The following ARGFX variants were observed in gnomAD, a reference collection of about 807,000 sequenced individuals.
ARGFX encodes arginine-fifty homeobox.
In ARGFX, 10 loss-of-function variants were observed where a neutral mutation model predicts 8.0. That is an observed-to-expected ratio of 1.25 (90% CI 0.77 to 2.12). The LOEUF (loss-of-function observed/expected upper bound fraction) is 2.12. ARGFX is among the 30% of genes most tolerant of loss of function. ARGFX has a pLI of 0.00. For synonymous variants in ARGFX, 116 were observed against 117.8 expected (o/e 0.98, Z 0.10); for missense variants, 282 against 324.3 (o/e 0.87, Z 1.00).
intron 3 of ARGFX, among the ~76,000 whole-genome samples, chr3:121,583,047 T>G (rs1190329626): frequency 7.6e-6 from 1 of 131,846 alleles, no homozygotes; most frequent in African/African-American, 3.0e-5. Context: ...TTTTTTTTTT[T>G]GAGACAGAAT....
intron 2 of ARGFX, among the ~76,000 whole-genome samples, chr3:121,573,307 C>T (rs948000450): frequency 1.6e-4 from 24 of 151,800 alleles, no homozygotes; most frequent in African/African-American, 5.3e-4. Context: ...ATGGTGAAAC[C>T]CTGTCTCTAC....
rs754120569 is a variant in ARGFX at position 121,570,786 on chromosome 3, G to C, written c.73G>C (p.Val25Leu). The C allele has an allele frequency of 1.2e-6, 2 of 1,607,184 alleles. No individual in the cohort carries two copies. Among genetic ancestry groups the C allele is most frequent in the Non-Finnish European group, 1.7e-6 (2 of 1,177,170 alleles). The change falls in exon 2 of 5, where the codon GTG becomes CTG. Residue 25 changes from valine to leucine, a missense_variant. Val to Leu is a conservative substitution (Grantham distance 32, BLOSUM62 1). Coordinates refer to ENST00000334384, the MANE Select transcript of ARGFX (RefSeq NM_001012659.2). The stretch of plus-strand genomic sequence containing the variant: ...CAATAGGAATTATTCCAACATGAAG[G>C]TGATACCACCACAGGATCCAGCTAG... ...FINRNYSNMK[V>L]IPPQDPASPS...
rs891592931 is a variant in ARGFX, at chr3:121,587,489, G to T, written c.*889G>T. On this transcript the variant is annotated 3_prime_UTR_variant, in exon 5 of 5. Transcript: ENST00000334384. ...AGGAGTGCACCATCGCACCCGGCTG[G>T]GTTATCTAGTTTAAAAACACTTTTT... Among the ~76,000 whole-genome samples, 1 of 152,016 alleles carries T rather than the reference G, an allele frequency of 6.6e-6. No individual in the cohort carries two copies.
At chr3:121,583,577 T>C (rs1239267536) in intron 3 of ARGFX, among the ~76,000 whole-genome samples, 1 of 151,926 alleles carries the variant, frequency 6.6e-6, no homozygotes, top group Non-Finnish European at 1.5e-5. Flanking sequence ...CAAGAATAGT[T>C]ATTATGCGGT....
At chr3:121,577,226 C>CATATATATATATATAT (rs71133554) in intron 3 of ARGFX, among the ~76,000 whole-genome samples, 8 of 87,130 alleles carry the variant, frequency 9.2e-5, no homozygotes, top group Non-Finnish European at 1.2e-4. Context: ...TCTACATGTA[C>CATATATATATATATAT]ATATATATAT....
At position 121,586,146 on chromosome 3, in the gene ARGFX, C is replaced by A. The variant is rs1221027180; in HGVS notation, c.494C>A (p.Pro165His). 1.9e-6 allele frequency: 3 copies of A among 1,614,014 alleles called. No individual in the cohort carries two copies. ...ACCTCCCCCAGAACATCCCCCAGTC[C>A]TTATGCTTTTTCTCCTGTGATTTCA... ...VPTSPRTSPS[P>H]YAFSPVISDF... is the part of the protein sequence containing the mutation. The change falls in exon 5 of 5, where the codon CCT becomes CAT. Residue 165 changes from proline to histidine, a missense_variant. Physicochemically the swap from Pro to His is moderately conservative, Grantham distance 77. Coordinates refer to ENST00000334384, the MANE Select transcript of ARGFX (RefSeq NM_001012659.2).
rs866632625 is a variant in ARGFX, at chr3:121,590,004, A to T, written c.*3404A>T. ...AATCAAAAGCTGGTTCTTTGAAAAG[A>T]TCTACAAAATGGCAAACATTTAGCT... On this transcript the variant is annotated 3_prime_UTR_variant, in exon 5 of 5. Coordinates refer to ENST00000334384, the MANE Select transcript of ARGFX (RefSeq NM_001012659.2). Among the ~76,000 whole-genome samples, 24 of 152,304 alleles carry T rather than the reference A, an allele frequency of 1.6e-4. No homozygotes were observed. Among genetic ancestry groups the T allele is most frequent in the Non-Finnish European group, 1.5e-4 (10 of 68,012 alleles).
At chr3:121,569,865 A>G (rs970209940) in intron 1 of ARGFX, among the ~76,000 whole-genome samples, 1 of 152,250 alleles carries the variant, frequency 6.6e-6, no homozygotes, top group Admixed American at 6.5e-5. Flanking sequence ...GTTATAGAAT[A>G]AGAGTGAAAA....
Position 121,577,888 on chromosome 3 carries a change from C to T in ARGFX, c.220+988C>T, listed in dbSNP as rs986153555. Among the ~76,000 whole-genome samples the T allele has an allele frequency of 6.6e-5, 10 of 151,120 alleles. 3 individuals carry two copies. Among genetic ancestry groups the T allele is most frequent in the Admixed American group, 6.6e-4 (10 of 15,156 alleles). ...CAACTTCTGCCTCCTGGGGTTCAAG[C>T]GATTCTCCTACCTCAGCCTTTTGAG... On this transcript the variant is annotated intron_variant, in intron 3 of 4. Coordinates refer to ENST00000334384, the MANE Select transcript of ARGFX (RefSeq NM_001012659.2).
chr3:121,578,880 T>C (rs1039464259), intron 3 of ARGFX, among the ~76,000 whole-genome samples: 5 of 151,142 alleles, frequency 3.3e-5, no homozygotes, highest in Non-Finnish European at 7.4e-5. Flanking sequence ...GGTTTCACCA[T>C]GTTAGACAGG....
chr3:121,574,634 G>A (rs1343542816), intron 2 of ARGFX, among the ~76,000 whole-genome samples: 1 of 152,188 alleles, frequency 6.6e-6, no homozygotes, highest in Non-Finnish European at 1.5e-5. Flanking sequence ...TATGGGGAGC[G>A]ACTGTAAATA....
intron 3 of ARGFX, among the ~76,000 whole-genome samples, chr3:121,581,716 C>T (rs1051097713): frequency 5.9e-5 from 9 of 152,026 alleles, no homozygotes; most frequent in African/African-American, 1.7e-4. Flanking sequence ...GCCTGGACAA[C>T]GTAGCAAAAC....
At position 121,585,167 on chromosome 3, in the gene ARGFX, CATTA is replaced by C. The variant is rs1313361474; in HGVS notation, c.369+106_369+109del. 93 of 1,303,400 alleles carry C rather than the reference CATTA, an allele frequency of 7.1e-5. No homozygotes were observed. The East Asian group carries it at 2.1e-3, about 29-fold the overall frequency. 80.7% of individuals were successfully genotyped at this position (1,303,400 alleles called of 1,614,324 possible). On this transcript the variant is annotated intron_variant, in intron 4 of 4. Transcript: ENST00000334384. The stretch of plus-strand genomic sequence containing the variant: ...CTACCCCTGCCCCACAATAATATTT[CATTA>C]ATTGAGTACCTACTGAAACGGTATC...
intron 3 of ARGFX, among the ~76,000 whole-genome samples, chr3:121,579,940 C>CTTTTTTTTTTTTTT (rs1204013765): frequency 2.3e-5 from 1 of 43,278 alleles, no homozygotes; most frequent in African/African-American, 8.8e-5. Flanking sequence ...CTTTTCTTTT[C>CTTTTTTTTTTTTTT]TTTTCTTTTT....
intron 2 of ARGFX, among the ~76,000 whole-genome samples, chr3:121,576,563 G>A (rs555898777): frequency 4.6e-5 from 7 of 151,898 alleles, no homozygotes; most frequent in Non-Finnish European, 7.4e-5. Context: ...GGTCTGAAAT[G>A]CCTGACCTTG....
chr3:121,579,945 C>CTTTTTTTTTTTTTTTTTTTT (rs1174620508), intron 3 of ARGFX, among the ~76,000 whole-genome samples: 7 of 91,590 alleles, frequency 7.6e-5, no homozygotes, highest in Admixed American at 1.2e-4. Flanking sequence ...CTTTTCTTTT[C>CTTTTTTTTTTTTTTTTTTTT]TTTTTTTTTT....
At chr3:121,584,611 G>A (rs2048800592) in intron 3 of ARGFX, among the ~76,000 whole-genome samples, 1 of 152,134 alleles carries the variant, frequency 6.6e-6, no homozygotes. Flanking sequence ...GTGCAGTCAG[G>A]GCAGACTGAA....
intron 2 of ARGFX, among the ~76,000 whole-genome samples, chr3:121,573,504 T>C (rs1339819272): frequency 6.8e-6 from 1 of 147,198 alleles, no homozygotes; most frequent in Non-Finnish European, 1.5e-5. Context: ...AAAAGTAAAA[T>C]GGCAAACTAT....
At position 121,590,426 on chromosome 3, in the gene ARGFX, C is replaced by G. The variant is rs932820517; in HGVS notation, c.*3826C>G. ...GTTCCTGATAAAAGGATGAGTTCGG[C>G]CTTCTTCTTCCCCAAAATCTTTATC... On this transcript the variant is annotated 3_prime_UTR_variant, in exon 5 of 5. Coordinates refer to ENST00000334384, the MANE Select transcript of ARGFX (RefSeq NM_001012659.2). Among the ~76,000 whole-genome samples the G allele has an allele frequency of 2.0e-5, 3 of 151,942 alleles. No homozygotes were observed. The highest frequency in any genetic ancestry group is 7.3e-5 in the African/African-American group (3 of 41,366).
Sources: gnomAD v4.1 joint callset for allele counts (sites outside exome capture counted in the v4.1 genomes callset) on GRCh38, gnomAD v4.1.1 for gene constraint, MANE v1.5 for transcripts, NCBI Gene and HGNC (gene_info 2026-07-23, HGNC 2026-07-21) for gene names.